Variants in CHD8 observed in about 807,000 individuals in gnomAD.
CHD8 encodes chromodomain helicase DNA binding protein 8.
A neutral mutation model predicts 279.2 loss-of-function variants in CHD8; 31 were observed. The observed-to-expected ratio is 0.11, with a 90% CI of 0.08 to 0.15. The LOEUF is 0.15. Among genes scored for constraint, CHD8 ranks in the 10% least tolerant of loss-of-function variants. CHD8 has a pLI of 1.00. For synonymous variants in CHD8, 1,081 were observed against 1,139.6 expected (o/e 0.95, Z 1.04); for missense variants, 2,146 against 3,230.5 (o/e 0.66, Z 8.14).
chr14:21,395,278 T>C lies in CHD8; in HGVS notation c.5182+20A>G, dbSNP rs751022588. Reference sequence around the variant, plus strand: ...CCCACCACCCCACACAGAATTATACTAGTTGACCTAGAAGTTTACCTTCAT... The same window carrying C: ...CCCACCACCCCACACAGAATTATACCAGTTGACCTAGAAGTTTACCTTCAT... On this transcript the variant is annotated intron_variant, in intron 29 of 37. Coordinates refer to ENST00000646647, the MANE Select transcript of CHD8 (RefSeq NM_001170629.2). 1.3e-5 allele frequency: 21 copies of C among 1,586,912 alleles called. No homozygotes were observed. Among genetic ancestry groups the C allele is most frequent in the Non-Finnish European group, 1.8e-5 (21 of 1,157,680 alleles).
Position 21,400,770 on chromosome 14 carries a change from T to C in CHD8, c.4370+105A>G, listed in dbSNP as rs1887995336. Reference sequence around the variant, plus strand: ...CTCCAAGGCAAATATTTTTTCACATTATCCCTTCTTTGATCATAGCCCCCA... The same window carrying C: ...CTCCAAGGCAAATATTTTTTCACATCATCCCTTCTTTGATCATAGCCCCCA... On this transcript the variant is annotated intron_variant, in intron 22 of 37. Transcript: ENST00000646647. The surrounding 1 kb of genome is among the most constrained non-coding windows in gnomAD (Gnocchi z 4.2). The C allele has an allele frequency of 7.5e-7, 1 of 1,331,296 alleles. No homozygotes were observed. Among genetic ancestry groups the C allele is most frequent in the Non-Finnish European group, 1.0e-6 (1 of 974,040 alleles). 82.5% of individuals were successfully genotyped at this position (1,331,296 alleles called of 1,614,324 possible).
intron 1 of CHD8, among the ~76,000 whole-genome samples, chr14:21,455,542 A>G (rs1890366786): frequency 6.6e-6 from 1 of 152,216 alleles, no homozygotes; most frequent in Non-Finnish European, 1.5e-5. Flanking sequence ...CCTGAGAATG[A>G]GTAACAATCT....
At chr14:21,413,124 G>A in intron 9 of CHD8, 128 bp from the exon 10 acceptor site, 1 of 663,842 alleles carries the variant, frequency 1.5e-6, no homozygotes, top group Non-Finnish European at 2.7e-6. Context: ...TATCCGATGG[G>A]TGTTCTCCTT....
In CHD8 at chr14:21,427,527, C is replaced by T. The variant is rs1048384495; in HGVS notation, c.1601+342G>A. 7.5e-6 allele frequency: 9 copies of T among 1,202,478 alleles called. No homozygotes were observed. In the African/African-American group the frequency reaches 1.2e-4, roughly 17 times the overall value. 74.5% of individuals were successfully genotyped at this position (1,202,478 alleles called of 1,614,324 possible). ...AGCACTCGAGCTTACTCTTGCACGT[C>T]CCATCACAATAGCAAGGAGCACTCA... On this transcript the variant is annotated intron_variant, in intron 4 of 37. Transcript: ENST00000646647.
chr14:21,435,737 A>T (rs1889754901), intron 1 of CHD8, among the ~76,000 whole-genome samples: 1 of 152,200 alleles, frequency 6.6e-6, no homozygotes, highest in African/African-American at 2.4e-5. Context: ...ATATTTATCA[A>T]GTGAAAAAAC....
chr14:21,415,261 A>C (rs751163733), intron 7 of CHD8: 51 of 439,612 alleles, frequency 1.2e-4, no homozygotes, highest in Non-Finnish European at 1.4e-4. Context: ...ATCTCTCACA[A>C]CTACACCTTA....
In CHD8 at chr14:21,396,035, C is replaced by T. The variant is rs1405908152; in HGVS notation, c.5052-143G>A. 7.2e-5 allele frequency: 47 copies of T among 648,754 alleles called. No individual in the cohort carries two copies. The East Asian group carries it at 1.1e-3, about 15-fold the overall frequency. 40.2% of individuals were successfully genotyped at this position (648,754 alleles called of 1,614,324 possible). A position where few individuals can be genotyped will look rare whatever the true frequency, so the allele number is the denominator to read the frequency against. On this transcript the variant is annotated intron_variant, in intron 27 of 37. Transcript: ENST00000646647. ...ATTTTTGAGACAGGTCTCACTCTGT[C>T]GCCCAGGCTGGAGTGTCATGGCCCT...
chr14:21,441,858 C>A (rs1889982379), intron 1 of CHD8, among the ~76,000 whole-genome samples: 2 of 151,916 alleles, frequency 1.3e-5, no homozygotes, highest in Middle Eastern at 3.4e-3. Context: ...CACTGCACTC[C>A]AGCCTGGGTG....
intron 1 of CHD8, among the ~76,000 whole-genome samples, chr14:21,441,712 C>G (rs1283127132): frequency 6.6e-6 from 1 of 151,898 alleles, no homozygotes; most frequent in East Asian, 1.9e-4. Flanking sequence ...CACGGTGAAA[C>G]CCCGTCTCTA....
In CHD8 at chr14:21,426,172, T is replaced by C. The variant is rs1484039454; in HGVS notation, c.1672A>G (p.Met558Val). 6.2e-7 allele frequency: 1 copy of C among 1,612,508 alleles called. No homozygotes were observed. Among genetic ancestry groups the C allele is most frequent in the African/African-American group, 1.3e-5 (1 of 74,906 alleles). Residue 558 changes from methionine to valine, a missense_variant, in exon 5 of 38, where the codon ATG becomes GTG. Around this residue, in one of 26 missense-constraint regions of CHD8, gnomAD observed 123 missense variants for 169.2 expected, o/e 0.73. Coordinates refer to ENST00000646647, the MANE Select transcript of CHD8 (RefSeq NM_001170629.2). Reference sequence around the variant, plus strand: ...TCTTCTCGAGGTGACTGTGCAGGCATGACTTCCACATCTGAATTATCAGAT... The same window carrying C: ...TCTTCTCGAGGTGACTGTGCAGGCACGACTTCCACATCTGAATTATCAGAT... ...TSSDNSDVEV[M>V]PAQSPREDEE...
chr14:21,405,286 C>A lies in CHD8; in HGVS notation c.3230G>T (p.Gly1077Val). The change falls in exon 16 of 38, where the codon GGT (glycine) becomes GTT (valine). Residue 1077 changes from glycine (G) to valine (V), a missense_variant. Gly to Val is a moderately radical substitution (Grantham distance 109). Coordinates refer to ENST00000646647, the MANE Select transcript of CHD8 (RefSeq NM_001170629.2). This position sits in a 1 kb window ranked among gnomAD's most constrained non-coding sequence, Gnocchi z 4.2. The stretch of plus-strand genomic sequence containing the variant: ...AAGTAGATTAGGCATGTTGGTATGA[C>A]CTGCCCCTTTGGAAAGGAAGGAGAA... ...KNFSFLSKGA[G>V]HTNMPNLLNT... 2.5e-6 allele frequency: 4 copies of A among 1,613,024 alleles called. No individual in the cohort carries two copies. The highest frequency in any genetic ancestry group is 3.4e-6 in the Non-Finnish European group (4 of 1,179,476).
At chr14:21,411,668 A>G (rs1888497948) in intron 10 of CHD8, among the ~76,000 whole-genome samples, 1 of 152,344 alleles carries the variant, frequency 6.6e-6, no homozygotes, top group African/African-American at 2.4e-5. Flanking sequence ...TAAAGTGACA[A>G]ATTCTAAGAA....
At chr14:21,423,656 C>T (rs1006612579) in intron 5 of CHD8, among the ~76,000 whole-genome samples, 10 of 152,142 alleles carry the variant, frequency 6.6e-5, no homozygotes, top group Admixed American at 6.6e-4. Flanking sequence ...CCTGCCTCAG[C>T]CTCCCAAAGT....
rs1204525761 is a variant in CHD8 at position 21,430,856 on chromosome 14, C to G, written c.788G>C (p.Gly263Ala). The G allele has an allele frequency of 1.3e-6, 2 of 1,599,364 alleles. No homozygotes were observed. Among genetic ancestry groups the G allele is most frequent in the South Asian group, 1.1e-5 (1 of 91,034 alleles). ...VKGSAPAGNP[G>A]ATGPPLKPAV... Reference sequence around the variant, plus strand: ...AGGCTTCAGTGGGGGCCCTGTGGCCCCAGGGTTTCCAGCAGGAGCTGAACC... The same window carrying G: ...AGGCTTCAGTGGGGGCCCTGTGGCCGCAGGGTTTCCAGCAGGAGCTGAACC... Residue 263 changes from glycine (G) to alanine (A), a missense_variant, in exon 2 of 38, where the codon GGG becomes GCG. Coordinates refer to ENST00000646647, the MANE Select transcript of CHD8 (RefSeq NM_001170629.2).
At chr14:21,392,985 A>AC (rs1223621902) in intron 33 of CHD8, 121 bp downstream of exon 33, 587 of 1,263,856 alleles carry the variant, frequency 4.6e-4, no homozygotes, top group Admixed American at 8.7e-4. Context: ...AAAAAAAAAA[A>AC]AAAACTTGCA....
chr14:21,430,841 G>A lies in CHD8; in HGVS notation c.803C>T (p.Pro268Leu), dbSNP rs1298955318. ...PAGNPGATGP[P>L]LKPAVTLTST... ...GGTCAGTGTAACTGCAGGCTTCAGT[G>A]GGGGCCCTGTGGCCCCAGGGTTTCC... Residue 268 changes from proline to leucine, a missense_variant, in exon 2 of 38, where the codon CCA (proline) becomes CTA (leucine). By Grantham distance (98) the Pro-to-Leu change is moderately conservative. Coordinates refer to ENST00000646647, the MANE Select transcript of CHD8 (RefSeq NM_001170629.2). 4 of 1,599,042 alleles carry A rather than the reference G, an allele frequency of 2.5e-6. No individual in the cohort carries two copies. The East Asian group carries it at 8.9e-5, about 36-fold the overall frequency.
chr14:21,386,083 G>A lies in CHD8; in HGVS notation c.7276C>T (p.Leu2426Phe), dbSNP rs770679545. 1.9e-6 allele frequency: 3 copies of A among 1,574,866 alleles called. No individual in the cohort carries two copies. In the African/African-American group the frequency reaches 4.1e-5, roughly 21 times the overall value. The change falls in exon 38 of 38, where the codon CTT (leucine) becomes TTT (phenylalanine). Residue 2426 changes from leucine to phenylalanine, a missense_variant. This residue lies in a region of CHD8 where 336 missense variants were observed against 392.9 expected (regional missense o/e 0.86). Transcript: ENST00000646647. ...KKRARRMRPD[L>F]SKMMALMQGG... ...TGCATGAGGGCCATCATCTTAGAAA[G>A]GTCTGGTCGCATCCTACGGGCCCGC...
chr14:21,395,150 G>A, intron 29 of CHD8, 31 bp from the exon 30 acceptor site: 7 of 1,599,826 alleles, frequency 4.4e-6, no homozygotes, highest in Non-Finnish European at 6.0e-6. Flanking sequence ...TGAATAGGAA[G>A]TATAGCAAGG....
intron 1 of CHD8, among the ~76,000 whole-genome samples, chr14:21,441,621 G>T (rs770805014): frequency 2.0e-5 from 3 of 152,128 alleles, no homozygotes; most frequent in East Asian, 1.9e-4. Context: ...GGGCGTGGTG[G>T]CTCATGCCTG....
Sources: allele counts gnomAD v4.1 joint callset (sites outside exome capture counted in the v4.1 genomes callset), GRCh38; gene constraint gnomAD v4.1.1; regional missense constraint gnomAD v4.1.1; non-coding constraint Gnocchi (gnomAD v3.1); transcripts MANE v1.5; gene names NCBI Gene and HGNC (gene_info 2026-07-23, HGNC 2026-07-21).